Variants in STK32B observed in about 807,000 individuals in gnomAD.
STK32B encodes serine/threonine-protein kinase 32B.
Under a neutral mutation model 52.6 loss-of-function variants are expected in STK32B, and 43 were observed. That is an observed-to-expected ratio of 0.82 (90% CI 0.64 to 1.05). The LOEUF (loss-of-function observed/expected upper bound fraction) is 1.05, where lower values mean the gene tolerates loss of function less well. Among genes scored for constraint, STK32B ranks in the 50% least tolerant of loss-of-function variants. STK32B has a pLI of 0.00. For missense variants in STK32B, 621 were observed against 534.6 expected, an observed-to-expected ratio of 1.16 and a Z score of -1.59; for synonymous variants, 238 against 204.3, an observed-to-expected ratio of 1.17 and a Z score of -1.41.
chr4:5,449,753 G>A (rs945509909), intron 7 of STK32B, among the ~76,000 whole-genome samples: 1 of 152,068 alleles, frequency 6.6e-6, no homozygotes, highest in Non-Finnish European at 1.5e-5. Context: ...GACTCTCATG[G>A]GAGTGCAAAC....
the STK32B span, chr4:5,019,444 A>G: frequency 6.8e-7 from 1 of 1,466,114 alleles, no homozygotes; most frequent in Non-Finnish European, 9.0e-7. Context: ...AGGCGTCCTC[A>G]TGGTGCCAGG....
At chr4:5,128,005 C>A (rs569022576) in intron 1 of STK32B, among the ~76,000 whole-genome samples, 2 of 152,170 alleles carry the variant, frequency 1.3e-5, no homozygotes, top group Non-Finnish European at 2.9e-5. Context: ...GAGGCCTCCC[C>A]AGCCATGTGG....
chr4:5,247,573 C>A (rs1205726306), intron 3 of STK32B, among the ~76,000 whole-genome samples: 2 of 152,166 alleles, frequency 1.3e-5, no homozygotes, highest in Non-Finnish European at 1.5e-5. Context: ...GTACTGCACC[C>A]ACTGTCCTGC....
At chr4:5,135,179 GAAT>G (rs1307568296) in intron 1 of STK32B, among the ~76,000 whole-genome samples, 1 of 152,230 alleles carries the variant, frequency 6.6e-6, no homozygotes, top group African/African-American at 2.4e-5. Flanking sequence ...CACTAACATA[GAAT>G]AATATTCATA....
intron 4 of STK32B, among the ~76,000 whole-genome samples, chr4:5,356,831 C>T (rs1193909327): frequency 6.6e-6 from 1 of 151,932 alleles, no homozygotes; most frequent in Non-Finnish European, 1.5e-5. Flanking sequence ...AACCCATCTC[C>T]ACTGAAAATA....
intron 2 of STK32B, among the ~76,000 whole-genome samples, chr4:5,144,128 A>G (rs569262276): frequency 6.6e-6 from 1 of 152,310 alleles, no homozygotes; most frequent in South Asian, 2.1e-4. Context: ...ACCACTGGGA[A>G]TTCAGCTCAG....
In STK32B at chr4:5,499,525, G is replaced by A. The variant is rs1385368680; in HGVS notation, c.*442G>A. The A allele has an allele frequency of 1.3e-5, 2 of 156,160 alleles. No individual in the cohort carries two copies. The highest frequency in any genetic ancestry group is 6.5e-5 in the Admixed American group (1 of 15,376). 9.7% of individuals were successfully genotyped at this position (156,160 alleles called of 1,614,324 possible). ...TCCTAGCTTGTTAGAGGGCACTTCC[G>A]AAAAACACAGCCCTGACAGCAAAAT... is the stretch of plus-strand genomic sequence containing the variant. On this transcript the variant is annotated 3_prime_UTR_variant, in exon 12 of 12. Transcript: ENST00000282908.
At chr4:5,290,015 A>C (rs1268467911) in intron 3 of STK32B, among the ~76,000 whole-genome samples, 1 of 151,122 alleles carries the variant, frequency 6.6e-6, no homozygotes, top group Non-Finnish European at 1.5e-5. Flanking sequence ...CTCCTCCCAA[A>C]CTCCACCGTC....
intron 1 of STK32B, among the ~76,000 whole-genome samples, chr4:5,052,940 G>C (rs541514582): frequency 1.6e-4 from 24 of 152,252 alleles, no homozygotes; most frequent in African/African-American, 5.3e-4. Flanking sequence ...CTTAGAAAGG[G>C]GTCTGTCCTG....
intron 1 of STK32B, among the ~76,000 whole-genome samples, chr4:5,097,918 A>G (rs1038219933): frequency 4.6e-5 from 7 of 152,240 alleles, no homozygotes; most frequent in African/African-American, 1.7e-4. Context: ...GGCTTAGATC[A>G]TCTCAGAGGG....
At chr4:5,434,621 C>G (rs1036221611) in intron 6 of STK32B, among the ~76,000 whole-genome samples, 10 of 152,102 alleles carry the variant, frequency 6.6e-5, no homozygotes, top group Non-Finnish European at 1.0e-4. Context: ...TGTGTCACCT[C>G]AGATGTGGTA....
At chr4:5,089,897 A>T (rs563484961) in intron 1 of STK32B, among the ~76,000 whole-genome samples, 1 of 152,082 alleles carries the variant, frequency 6.6e-6, no homozygotes, top group African/African-American at 2.4e-5. Context: ...ACTTTTTAAT[A>T]ATCACCATTC....
intron 3 of STK32B, among the ~76,000 whole-genome samples, chr4:5,171,839 G>A (rs1458865567): frequency 6.6e-6 from 1 of 150,984 alleles, no homozygotes; most frequent in Admixed American, 6.6e-5. Context: ...TTCCAATTCT[G>A]TGAAGAAAGT....
intron 11 of STK32B, among the ~76,000 whole-genome samples, chr4:5,492,168 G>C (rs1719790171): frequency 6.6e-6 from 1 of 152,102 alleles, no homozygotes; most frequent in Non-Finnish European, 1.5e-5. Context: ...ATTACCTTGG[G>C]CAGTATGGCC....
rs58281156 is a variant in STK32B, at chr4:5,120,287, C to T, written c.53-19618C>T. 6.9e-3 allele frequency among the ~76,000 whole-genome samples: 1,049 copies of T among 152,298 alleles called. 16 individuals carry two copies. Among genetic ancestry groups the T allele is most frequent in the African/African-American group, 0.024 (984 of 41,568 alleles). On this transcript the variant is annotated intron_variant, in intron 1 of 11. Coordinates refer to ENST00000282908, the MANE Select transcript of STK32B (RefSeq NM_018401.3). The stretch of plus-strand genomic sequence containing the variant: ...ACAGCAGAAGGCAATAGTAGCCTAG[C>T]GCTCTGTCACAGTGCCTACGTCATT...
chr4:5,376,114 C>G (rs1577413763), intron 4 of STK32B, among the ~76,000 whole-genome samples: 1 of 152,170 alleles, frequency 6.6e-6, no homozygotes, highest in East Asian at 1.9e-4. Context: ...TGGAGATTTT[C>G]CAGGTCCTGT....
intron 3 of STK32B, among the ~76,000 whole-genome samples, chr4:5,244,901 G>T (rs374034779): frequency 7.9e-5 from 12 of 152,268 alleles, no homozygotes; most frequent in Admixed American, 1.3e-4. Flanking sequence ...GTGAGTTTCT[G>T]AATCCTGAGT....
At chr4:5,121,942 C>A (rs752621373) in intron 1 of STK32B, among the ~76,000 whole-genome samples, 2 of 152,216 alleles carry the variant, frequency 1.3e-5, no homozygotes, top group Non-Finnish European at 2.9e-5. Context: ...CCATGCAGAT[C>A]TCACTGTCAG....
intron 3 of STK32B, among the ~76,000 whole-genome samples, chr4:5,200,392 C>T (rs959598439): frequency 2.0e-5 from 3 of 151,812 alleles, no homozygotes; most frequent in Non-Finnish European, 4.4e-5. Flanking sequence ...CTGAACTGGC[C>T]GAGATATACT....
Sources: allele counts gnomAD v4.1 joint callset (sites outside exome capture counted in the v4.1 genomes callset), GRCh38; gene constraint gnomAD v4.1.1; transcripts MANE v1.5; gene names NCBI Gene and HGNC (gene_info 2026-07-23, HGNC 2026-07-21).